PLCE1: variants seen among roughly 807,000 people sequenced by gnomAD.
The protein encoded by PLCE1 is phospholipase C epsilon 1.
PLCE1 carries 119 observed loss-of-function variants against 242.8 expected under a neutral mutation model. The ratio of observed to expected loss-of-function variants is 0.49; its 90% CI spans 0.42 to 0.57. The LOEUF (loss-of-function observed/expected upper bound fraction) is 0.57. PLCE1 is among the 20% of genes least tolerant of loss of function. PLCE1 has a pLI of 0.00. For synonymous variants in PLCE1, 945 were observed against 1,017.4 expected, an observed-to-expected ratio of 0.93 and a Z score of 1.35; for missense variants, 2,441 against 2,788.8, an observed-to-expected ratio of 0.88 and a Z score of 2.81.
chr10:94,285,682 T>C (rs1016488695), intron 22 of PLCE1, among the ~76,000 whole-genome samples: 5 of 152,178 alleles, frequency 3.3e-5, no homozygotes, highest in African/African-American at 9.7e-5. Flanking sequence ...TTGTTTCTCA[T>C]TGGGTCCTTT....
Position 94,246,276 on chromosome 10 carries a change from T to A in PLCE1, c.2751T>A (p.Pro917=), listed in dbSNP as rs746112978. ...KLGVLNNTAE[P]GKFPLLGNAG... Reference sequence around the variant, plus strand: ...GTGTACTTAATAACACAGCTGAGCCTGGAAAATTCCCACTACTGGGTAATG... The same window carrying A: ...GTGTACTTAATAACACAGCTGAGCCAGGAAAATTCCCACTACTGGGTAATG... The change falls in exon 8 of 33, where the codon CCT becomes CCA. Residue 917 remains proline (P), a synonymous_variant. Coordinates refer to ENST00000371380, the MANE Select transcript of PLCE1 (RefSeq NM_016341.4). 2 of 1,614,062 alleles carry A rather than the reference T, an allele frequency of 1.2e-6. No homozygotes were observed. The highest frequency in any genetic ancestry group is 1.1e-5 in the South Asian group (1 of 91,086).
chr10:94,169,144 T>C (rs1276829524), intron 3 of PLCE1, among the ~76,000 whole-genome samples: 1 of 152,220 alleles, frequency 6.6e-6, no homozygotes, highest in Non-Finnish European at 1.5e-5. Context: ...TTTCCATTTT[T>C]CTGTCCCATG....
At chr10:94,090,764 T>C (rs1201016414) in intron 2 of PLCE1, among the ~76,000 whole-genome samples, 2 of 152,212 alleles carry the variant, frequency 1.3e-5, no homozygotes, top group African/African-American at 4.8e-5. Context: ...CCTGTTTTTC[T>C]TTTTGGAAAC....
intron 11 of PLCE1, among the ~76,000 whole-genome samples, chr10:94,257,154 A>G (rs1470382010): frequency 6.6e-6 from 1 of 152,156 alleles, no homozygotes; most frequent in Non-Finnish European, 1.5e-5. Context: ...GTGACCTTCA[A>G]ATGTCAGCAC....
rs551107477 is a variant in PLCE1 at position 94,161,254 on chromosome 10, T to A, written c.1493-9926T>A. 5.9e-5 allele frequency among the ~76,000 whole-genome samples: 9 copies of A among 152,352 alleles called. No homozygotes were observed. The South Asian group carries it at 1.9e-3, about 32-fold the overall frequency. On this transcript the variant is annotated intron_variant, in intron 3 of 32. Coordinates refer to ENST00000371380, the MANE Select transcript of PLCE1 (RefSeq NM_016341.4). ...AATCTATGAATTACCTTGGGCAGTATGGCCATTTTCACGATATTGATTCTT... is the reference window on the plus strand; with the variant it reads ...AATCTATGAATTACCTTGGGCAGTAAGGCCATTTTCACGATATTGATTCTT...
chr10:94,255,105 G>A (rs1158425350), intron 11 of PLCE1, 56 bp downstream of exon 11: 4 of 1,558,146 alleles, frequency 2.6e-6, no homozygotes, highest in Middle Eastern at 1.9e-4. Context: ...CAGTTGTGTG[G>A]AAGGGCATAT....
chr10:94,016,128 G>A (rs1382665796), intron 1 of PLCE1, among the ~76,000 whole-genome samples: 1 of 151,956 alleles, frequency 6.6e-6, no homozygotes, highest in African/African-American at 2.4e-5. Context: ...TTCCATGATC[G>A]CCTCCTTTTA....
chr10:94,159,885 TG>T (rs1214048928), intron 3 of PLCE1, among the ~76,000 whole-genome samples: 1 of 152,174 alleles, frequency 6.6e-6, no homozygotes, highest in African/African-American at 2.4e-5. Context: ...TTTCTGTCCT[TG>T]GGATAGTTTG....
intron 5 of PLCE1, among the ~76,000 whole-genome samples, chr10:94,229,128 C>T (rs1320696498): frequency 6.6e-6 from 1 of 151,534 alleles, no homozygotes; most frequent in Non-Finnish European, 1.5e-5. Flanking sequence ...TTGCAGTGAG[C>T]CGAGATCATG....
At chr10:94,245,671 G>T (rs937670058) in intron 7 of PLCE1, among the ~76,000 whole-genome samples, 1 of 152,200 alleles carries the variant, frequency 6.6e-6, no homozygotes, top group African/African-American at 2.4e-5. Context: ...ATTTTTAGTA[G>T]AGAGGGGGTT....
At chr10:94,222,402 G>A (rs965291811) in intron 4 of PLCE1, among the ~76,000 whole-genome samples, 20 of 152,016 alleles carry the variant, frequency 1.3e-4, no homozygotes, top group African/African-American at 4.3e-4. Flanking sequence ...TAAACTTACC[G>A]AGGGCAGATC....
At chr10:94,041,606 G>A (rs987137886) in intron 2 of PLCE1, among the ~76,000 whole-genome samples, 3 of 152,184 alleles carry the variant, frequency 2.0e-5, no homozygotes, top group African/African-American at 4.8e-5. Flanking sequence ...AAGGAAACAC[G>A]CCTCCCGATC....
At chr10:94,187,173 T>A (rs891649922) in intron 4 of PLCE1, among the ~76,000 whole-genome samples, 1 of 151,174 alleles carries the variant, frequency 6.6e-6, no homozygotes. Context: ...TGTGTGTGTG[T>A]GTGTGTGTGC....
At chr10:94,102,957 AAAG>A (rs1212697001) in intron 2 of PLCE1, among the ~76,000 whole-genome samples, 1 of 152,254 alleles carries the variant, frequency 6.6e-6, no homozygotes, top group Non-Finnish European at 1.5e-5. Flanking sequence ...TTAAAAATAC[AAAG>A]AAGAAAAACA....
intron 23 of PLCE1, among the ~76,000 whole-genome samples, chr10:94,294,283 CTA>C (rs924886953): frequency 6.6e-6 from 1 of 152,000 alleles, no homozygotes; most frequent in African/African-American, 2.4e-5. Flanking sequence ...TATTTTATTT[CTA>C]GTTACTTTTT....
intron 4 of PLCE1, 79 bp downstream of exon 4, chr10:94,171,575 G>A: frequency 2.7e-6 from 3 of 1,117,494 alleles, no homozygotes; most frequent in Non-Finnish European, 4.1e-6. Flanking sequence ...TTCTAGGTTT[G>A]TCTGTTCCTG....
At chr10:94,295,923 G>C (rs976090029) in intron 23 of PLCE1, among the ~76,000 whole-genome samples, 1 of 152,164 alleles carries the variant, frequency 6.6e-6, no homozygotes, top group Admixed American at 6.5e-5. Context: ...ATGAGCATTG[G>C]CTTCAACTTC....
intron 2 of PLCE1, among the ~76,000 whole-genome samples, chr10:94,068,692 A>C (rs955070518): frequency 6.6e-6 from 1 of 152,236 alleles, no homozygotes; most frequent in African/African-American, 2.4e-5. Flanking sequence ...TTAAGTCCTC[A>C]TAATAACTAT....
chr10:94,244,913 C>T (rs925850983), intron 7 of PLCE1, among the ~76,000 whole-genome samples: 2 of 152,124 alleles, frequency 1.3e-5, no homozygotes, highest in African/African-American at 4.8e-5. Flanking sequence ...GTTGCCCAGC[C>T]TGGTCTCAAA....
Sources: allele counts gnomAD v4.1 joint callset (sites outside exome capture counted in the v4.1 genomes callset), GRCh38; gene constraint gnomAD v4.1.1; transcripts MANE v1.5; gene names NCBI Gene and HGNC (gene_info 2026-07-23, HGNC 2026-07-21).